DLG1: variants seen among roughly 807,000 people sequenced by gnomAD.
The protein encoded by DLG1 is disks large homolog 1.
Under a neutral mutation model 123.4 loss-of-function variants are expected in DLG1, and 42 were observed. The ratio of observed to expected loss-of-function variants is 0.34; its 90% confidence interval spans 0.27 to 0.44. The LOEUF (loss-of-function observed/expected upper bound fraction) is 0.44, where lower values mean the gene tolerates loss of function less well. DLG1 is among the 20% of genes least tolerant of loss of function. DLG1 has a pLI of 1.00. For missense variants in DLG1, 942 were observed against 1,082.6 expected, an observed-to-expected ratio of 0.87 and a Z score of 1.82; for synonymous variants, 317 against 356.2, an observed-to-expected ratio of 0.89 and a Z score of 1.24.
intron 5 of DLG1, among the ~76,000 whole-genome samples, chr3:197,151,004 G>A (rs967548514): frequency 3.9e-5 from 6 of 151,918 alleles, no homozygotes; most frequent in Non-Finnish European, 4.4e-5. Context: ...GAATAATTCG[G>A]TGAAAGTCCA....
chr3:197,051,552 A>C, intron 24 of DLG1, 25 bp downstream of exon 24: 1 of 1,590,230 alleles, frequency 6.3e-7, no homozygotes, highest in Non-Finnish European at 8.6e-7. Context: ...TATCTTAAAG[A>C]GGACTGTTAC....
chr3:197,116,053 G>C lies in DLG1; in HGVS notation c.1317C>G (p.Gly439=). 1 of 1,605,068 alleles carries C rather than the reference G, an allele frequency of 6.2e-7. No individual in the cohort carries two copies. Among genetic ancestry groups the C allele is most frequent in the Non-Finnish European group, 8.5e-7 (1 of 1,177,494 alleles). The change falls in exon 13 of 25, where the codon GGC becomes GGG. Residue 439 remains glycine (G), a synonymous_variant. Transcript: ENST00000667157. ...REPRKVVLHR[G]STGLGFNIVG... ...CAATGTTGAAACCAAGGCCCGTTGA[G>C]CCACGATGAAGAACAACTTTTCTAG...
chr3:197,181,344 C>T (rs1400339197), intron 5 of DLG1, among the ~76,000 whole-genome samples: 1 of 152,072 alleles, frequency 6.6e-6, no homozygotes, highest in African/African-American at 2.4e-5. Flanking sequence ...GTATTTTTGA[C>T]ATCAGTGAAA....
chr3:197,250,351 C>T (rs912250502), intron 4 of DLG1, among the ~76,000 whole-genome samples: 11 of 152,066 alleles, frequency 7.2e-5, no homozygotes, highest in South Asian at 2.1e-4. Flanking sequence ...AGGTGAATCA[C>T]GAGGTCAGGA....
intron 4 of DLG1, among the ~76,000 whole-genome samples, chr3:197,217,423 G>T (rs567289228): frequency 6.6e-6 from 1 of 152,088 alleles, no homozygotes; most frequent in Non-Finnish European, 1.5e-5. Flanking sequence ...TTGATTTCAA[G>T]TGAAAAAACA....
intron 3 of DLG1, among the ~76,000 whole-genome samples, chr3:197,283,352 A>T (rs1770283209): frequency 6.6e-6 from 1 of 152,182 alleles, no homozygotes; most frequent in Non-Finnish European, 1.5e-5. Context: ...TTCTAGCCAA[A>T]GCCAAAGCCA....
chr3:197,298,835 G>A (rs1778654210), upstream of DLG1: 1 of 373,040 alleles, frequency 2.7e-6, no homozygotes. Flanking sequence ...TAGAGACACT[G>A]GTTAACTTGG....
At chr3:197,249,243 CA>C (rs1303242187) in intron 4 of DLG1, among the ~76,000 whole-genome samples, 1 of 151,352 alleles carries the variant, frequency 6.6e-6, no homozygotes, top group African/African-American at 2.4e-5. Flanking sequence ...CACAGAAATA[CA>C]AAAAAATCAT....
intron 12 of DLG1, 37 bp downstream of exon 12, chr3:197,119,373 G>T: frequency 6.6e-7 from 1 of 1,518,508 alleles, no homozygotes; most frequent in Non-Finnish European, 8.9e-7. Context: ...TTTAATAGTT[G>T]ATTTTATGTA....
At chr3:197,202,522 A>G (rs2150337435) in intron 4 of DLG1, among the ~76,000 whole-genome samples, 1 of 152,340 alleles carries the variant, frequency 6.6e-6, no homozygotes, top group East Asian at 1.9e-4. Flanking sequence ...GAATCTCAAA[A>G]TTTTAAACCC....
intron 17 of DLG1, among the ~76,000 whole-genome samples, chr3:197,079,538 G>A (rs913426271): frequency 3.9e-5 from 6 of 152,160 alleles, no homozygotes; most frequent in African/African-American, 1.2e-4. Context: ...ATTTAAACAC[G>A]TCGTTAATTC....
At chr3:197,197,188 G>GT (rs926754014) in intron 4 of DLG1, among the ~76,000 whole-genome samples, 1 of 152,096 alleles carries the variant, frequency 6.6e-6, no homozygotes, top group African/African-American at 2.4e-5. Flanking sequence ...TTTTGCTTCC[G>GT]TATTTCCTGT....
At chr3:197,296,227 G>T in intron 3 of DLG1, 119 bp downstream of exon 3, 1 of 990,174 alleles carries the variant, frequency 1.0e-6, no homozygotes, top group Non-Finnish European at 1.5e-6. Flanking sequence ...CACTGAAGAT[G>T]TTCAAGTTAC....
At chr3:197,090,273 G>C (rs941054545) in intron 15 of DLG1, among the ~76,000 whole-genome samples, 2 of 149,512 alleles carry the variant, frequency 1.3e-5, no homozygotes, top group Admixed American at 1.3e-4. Flanking sequence ...AATACATTCG[G>C]ATTTCTGTTT....
intron 4 of DLG1, among the ~76,000 whole-genome samples, chr3:197,268,784 A>T (rs972938733): frequency 2.8e-4 from 42 of 152,168 alleles, no homozygotes; most frequent in African/African-American, 1.0e-3. Flanking sequence ...TACACTGTAT[A>T]GAGGTACAAA....
In DLG1 at chr3:197,043,937, G is replaced by A. The variant is rs138046498; in HGVS notation, c.*686C>T. On this transcript the variant is annotated 3_prime_UTR_variant, in exon 25 of 25. Transcript: ENST00000667157. ...GATCATTTACATATGAACAACTTTT[G>A]TAAGACACGATAGTGTTGCTCAAGT... 5 of 152,242 alleles carry A rather than the reference G, an allele frequency of 3.3e-5. No individual in the cohort carries two copies. Among genetic ancestry groups the A allele is most frequent in the East Asian group, 1.9e-4 (1 of 5,190 alleles). 9.4% of individuals were successfully genotyped at this position (152,242 alleles called of 1,614,324 possible).
chr3:197,220,696 C>T (rs1330266733), intron 4 of DLG1, among the ~76,000 whole-genome samples: 2 of 152,126 alleles, frequency 1.3e-5, no homozygotes, highest in African/African-American at 4.8e-5. Context: ...GTTTAATACA[C>T]CATCCTGAAA....
chr3:197,100,856 A>C (rs1763077154), intron 14 of DLG1, among the ~76,000 whole-genome samples: 1 of 152,192 alleles, frequency 6.6e-6, no homozygotes, highest in Admixed American at 6.5e-5. Flanking sequence ...GCCCCGAAGA[A>C]TGGAAAGACC....
chr3:197,226,650 C>A lies in DLG1; in HGVS notation c.319-32061G>T, dbSNP rs1433712793. Among the ~76,000 whole-genome samples the A allele has an allele frequency of 2.0e-5, 3 of 152,116 alleles. No individual in the cohort carries two copies. In the East Asian group the frequency reaches 5.8e-4, roughly 29 times the overall value. On this transcript the variant is annotated intron_variant, in intron 4 of 24. Coordinates refer to ENST00000667157, the MANE Select transcript of DLG1 (RefSeq NM_001366207.1). ...CTGGCAAAGTTAAGTAGAATAATTACAAATTAAACTTGGACAGTAAAAAAA... is the reference window on the plus strand; with the variant it reads ...CTGGCAAAGTTAAGTAGAATAATTAAAAATTAAACTTGGACAGTAAAAAAA...
Sources: gnomAD v4.1 joint callset for allele counts (sites outside exome capture counted in the v4.1 genomes callset) on GRCh38, gnomAD v4.1.1 for gene constraint, MANE v1.5 for transcripts, NCBI Gene and HGNC (gene_info 2026-07-23, HGNC 2026-07-21) for gene names.